Variants in WDR72 observed in about 807,000 individuals in gnomAD.
WDR72 encodes the protein WD repeat-containing protein 72.
WDR72 carries 120 observed loss-of-function variants against 124.2 expected under a neutral mutation model. That is an observed-to-expected ratio of 0.97 (90% CI 0.83 to 1.12). The LOEUF (loss-of-function observed/expected upper bound fraction) is 1.12. Among genes scored for constraint, WDR72 ranks in the 50% most tolerant of loss-of-function variants. WDR72 has a pLI of 0.00. For missense variants in WDR72, 1,387 were observed against 1,278.8 expected (o/e 1.08, Z -1.29); for synonymous variants, 452 against 441.7 (o/e 1.02, Z -0.29).
intron 18 of WDR72, among the ~76,000 whole-genome samples, chr15:53,564,208 T>C (rs757391326): frequency 1.3e-5 from 2 of 151,858 alleles, no homozygotes; most frequent in African/African-American, 2.4e-5. Context: ...GCTATCATCT[T>C]GGCATGGCTA....
At chr15:53,746,403 A>C (rs2018645040) in intron 1 of WDR72, among the ~76,000 whole-genome samples, 1 of 152,218 alleles carries the variant, frequency 6.6e-6, no homozygotes, top group East Asian at 1.9e-4. Context: ...CCCTTGACTG[A>C]GGACAGCCCA....
At chr15:53,603,820 A>G (rs755913759) in intron 17 of WDR72, among the ~76,000 whole-genome samples, 4 of 152,308 alleles carry the variant, frequency 2.6e-5, no homozygotes, top group South Asian at 2.1e-4. Flanking sequence ...CCATGGCTCA[A>G]ATAAATCAGA....
intron 18 of WDR72, among the ~76,000 whole-genome samples, chr15:53,559,416 A>G (rs1387180838): frequency 2.0e-5 from 3 of 152,044 alleles, no homozygotes; most frequent in Non-Finnish European, 2.9e-5. Flanking sequence ...TTTTCCTTAC[A>G]ATATCTGTAG....
At chr15:53,528,432 A>C (rs1456412014) in intron 18 of WDR72, among the ~76,000 whole-genome samples, 1 of 152,018 alleles carries the variant, frequency 6.6e-6, no homozygotes, top group African/African-American at 2.4e-5. Context: ...ACTAATAACT[A>C]TTTTACAGAC....
At position 53,596,839 on chromosome 15, in the gene WDR72, T is replaced by G. The variant is rs527382307; in HGVS notation, c.3148+240A>C. 4.6e-5 allele frequency among the ~76,000 whole-genome samples: 7 copies of G among 152,284 alleles called. No homozygotes were observed. The South Asian group carries it at 1.4e-3, about 32-fold the overall frequency. ...ACTTACATTTTCAATACTCTCTAAG[T>G]AGCGATGCTCCTCAAGTTATGGTGG... On this transcript the variant is annotated intron_variant, in intron 18 of 19. Coordinates refer to ENST00000360509, the MANE Select transcript of WDR72 (RefSeq NM_182758.4).
At chr15:53,588,567 T>A (rs1211245777) in intron 18 of WDR72, among the ~76,000 whole-genome samples, 3 of 151,978 alleles carry the variant, frequency 2.0e-5, no homozygotes, top group Non-Finnish European at 4.4e-5. Context: ...GCTAGCAAGA[T>A]GACTGACATT....
At chr15:53,609,995 T>C (rs535693325) in intron 16 of WDR72, among the ~76,000 whole-genome samples, 1 of 152,248 alleles carries the variant, frequency 6.6e-6, no homozygotes, top group Non-Finnish European at 1.5e-5. Context: ...TACAATTCCT[T>C]CCTTATACAA....
intron 18 of WDR72, among the ~76,000 whole-genome samples, chr15:53,529,503 G>T (rs1407653207): frequency 6.6e-6 from 1 of 151,912 alleles, no homozygotes; most frequent in Non-Finnish European, 1.5e-5. Flanking sequence ...GAGGGTAAAT[G>T]GCCACTACAC....
chr15:53,623,193 G>C (rs142745647), intron 14 of WDR72, among the ~76,000 whole-genome samples: 8 of 151,768 alleles, frequency 5.3e-5, no homozygotes, highest in African/African-American at 1.9e-4. Flanking sequence ...TTGTGGTTTG[G>C]GATATGATTG....
chr15:53,734,057 A>G (rs1022873504), intron 1 of WDR72, among the ~76,000 whole-genome samples: 3 of 152,238 alleles, frequency 2.0e-5, no homozygotes, highest in Non-Finnish European at 4.4e-5. Context: ...TCTGTCCTGC[A>G]GGATTTCTGT....
At chr15:53,738,060 A>C (rs1478651269) in intron 1 of WDR72, among the ~76,000 whole-genome samples, 4 of 152,188 alleles carry the variant, frequency 2.6e-5, no homozygotes, top group Non-Finnish European at 5.9e-5. Flanking sequence ...AATGTTTGGA[A>C]ACTAAAAAAA....
intron 13 of WDR72, among the ~76,000 whole-genome samples, chr15:53,694,179 G>A (rs1055169075): frequency 1.3e-5 from 2 of 152,168 alleles, no homozygotes; most frequent in Non-Finnish European, 2.9e-5. Context: ...CAGGAGTCAC[G>A]GGATGTGGAC....
At chr15:53,534,403 CCTT>C (rs1892642127) in intron 18 of WDR72, among the ~76,000 whole-genome samples, 1 of 152,136 alleles carries the variant, frequency 6.6e-6, no homozygotes, top group Non-Finnish European at 1.5e-5. Context: ...AAAGATTACA[CCTT>C]CTCCCTACAA....
At chr15:53,708,039 C>T (rs1257765205) in intron 9 of WDR72, among the ~76,000 whole-genome samples, 2 of 152,198 alleles carry the variant, frequency 1.3e-5, no homozygotes, top group Admixed American at 6.5e-5. Flanking sequence ...TCACCTTCCA[C>T]ATTGCTGCTT....
At chr15:53,600,645 G>T (rs557908165) in intron 17 of WDR72, among the ~76,000 whole-genome samples, 11 of 152,274 alleles carry the variant, frequency 7.2e-5, no homozygotes, top group African/African-American at 2.6e-4. Flanking sequence ...GCATCATGAA[G>T]ATGCATAAGA....
chr15:53,530,726 A>G (rs920750348), intron 18 of WDR72, among the ~76,000 whole-genome samples: 4 of 152,084 alleles, frequency 2.6e-5, no homozygotes, highest in African/African-American at 9.7e-5. Context: ...CTAGCATTTG[A>G]GACTAGAGAT....
intron 3 of WDR72, among the ~76,000 whole-genome samples, chr15:53,718,027 G>C (rs1187008356): frequency 6.6e-6 from 1 of 152,134 alleles, no homozygotes; most frequent in Non-Finnish European, 1.5e-5. Flanking sequence ...GAAACATATT[G>C]CAAAGGTAAA....
At chr15:53,730,407 G>T (rs1302566847) in intron 2 of WDR72, among the ~76,000 whole-genome samples, 1 of 152,158 alleles carries the variant, frequency 6.6e-6, no homozygotes, top group African/African-American at 2.4e-5. Context: ...TTGGAGGAGG[G>T]ATTTGTGCCT....
intron 13 of WDR72, among the ~76,000 whole-genome samples, chr15:53,696,893 C>T (rs915480416): frequency 6.6e-6 from 1 of 152,180 alleles, no homozygotes; most frequent in Non-Finnish European, 1.5e-5. Context: ...CACCAGCCAC[C>T]TTCACAGGGT....
Sources: allele counts gnomAD v4.1 joint callset (sites outside exome capture counted in the v4.1 genomes callset), GRCh38; gene constraint gnomAD v4.1.1; transcripts MANE v1.5; gene names NCBI Gene and HGNC (gene_info 2026-07-23, HGNC 2026-07-21).